The following BTBD9 variants were observed in gnomAD, a reference collection of about 807,000 sequenced individuals.
The protein encoded by BTBD9 is BTB domain containing 9.
A neutral mutation model predicts 64.3 loss-of-function variants in BTBD9; 49 were observed. That is an observed-to-expected ratio of 0.76 (90% CI 0.61 to 0.97). The LOEUF (loss-of-function observed/expected upper bound fraction) is 0.97, where lower values mean the gene tolerates loss of function less well. BTBD9 is among the 50% of genes least tolerant of loss of function. The pLI is 0.00. For synonymous variants in BTBD9, 260 were observed against 274.7 expected (o/e 0.95, Z 0.53); for missense variants, 598 against 762.1 (o/e 0.78, Z 2.53).
At chr6:38,339,727 G>T (rs1031592518) in intron 7 of BTBD9, among the ~76,000 whole-genome samples, 3 of 152,136 alleles carry the variant, frequency 2.0e-5, no homozygotes, top group Non-Finnish European at 2.9e-5. Context: ...TAGCTCTTTT[G>T]CAGGTTTGAT....
At chr6:38,213,023 T>G (rs1207068863) in intron 9 of BTBD9, among the ~76,000 whole-genome samples, 1 of 107,400 alleles carries the variant, frequency 9.3e-6, no homozygotes, top group Admixed American at 8.9e-5. Flanking sequence ...ATTTCAGGTG[T>G]TTTTTTTTTT....
intron 7 of BTBD9, among the ~76,000 whole-genome samples, chr6:38,300,697 G>C (rs915622090): frequency 6.6e-6 from 1 of 152,140 alleles, no homozygotes; most frequent in Non-Finnish European, 1.5e-5. Flanking sequence ...TGTGATTTTT[G>C]CACATTGATT....
At chr6:38,639,389 A>C (rs11751782) in intron 1 of BTBD9, among the ~76,000 whole-genome samples, 12,961 of 152,162 alleles carry the variant, frequency 0.085, 687 homozygotes, top group Middle Eastern at 0.18. Context: ...GGCAGGGGAG[A>C]TGAGGGCCCC....
intron 7 of BTBD9, among the ~76,000 whole-genome samples, chr6:38,304,031 T>C (rs1047819473): frequency 6.6e-6 from 1 of 150,908 alleles, no homozygotes; most frequent in African/African-American, 2.4e-5. Context: ...TTAATGTTTA[T>C]TAGTCAAAGT....
chr6:38,182,917 C>CT (rs35737243), intron 10 of BTBD9, among the ~76,000 whole-genome samples: 77,943 of 151,486 alleles, frequency 0.51, 21,510 homozygotes, highest in Non-Finnish European at 0.63. Context: ...CTTTTCCTCT[C>CT]TTTTTTTCCA....
At chr6:38,624,765 G>A (rs905824845) in intron 1 of BTBD9, among the ~76,000 whole-genome samples, 5 of 151,618 alleles carry the variant, frequency 3.3e-5, no homozygotes, top group African/African-American at 1.2e-4. Flanking sequence ...TACATTAGAA[G>A]ACAAAGATAC....
intron 6 of BTBD9, among the ~76,000 whole-genome samples, chr6:38,554,436 T>C (rs1304665649): frequency 1.3e-5 from 2 of 152,230 alleles, no homozygotes; most frequent in Non-Finnish European, 2.9e-5. Flanking sequence ...CGTGTTGCTA[T>C]TTAAATTGTA....
chr6:38,479,721 TTTTTTA>T (rs1193985884), intron 6 of BTBD9, among the ~76,000 whole-genome samples: 6 of 152,138 alleles, frequency 3.9e-5, no homozygotes, highest in Admixed American at 3.9e-4. Context: ...ACTAAAATCT[TTTTTTA>T]TTTTTATTTT....
chr6:38,538,370 C>T (rs1241226015), intron 6 of BTBD9, among the ~76,000 whole-genome samples: 2 of 152,046 alleles, frequency 1.3e-5, no homozygotes, highest in Non-Finnish European at 1.5e-5. Context: ...TAATAAAAGG[C>T]AAATGGGAGT....
intron 6 of BTBD9, among the ~76,000 whole-genome samples, chr6:38,405,476 AG>A (rs2127247171): frequency 6.6e-6 from 1 of 152,334 alleles, no homozygotes; most frequent in South Asian, 2.1e-4. Flanking sequence ...AAAAACTTAT[AG>A]GAAGTTGGAA....
intron 6 of BTBD9, among the ~76,000 whole-genome samples, chr6:38,355,047 G>A (rs965497597): frequency 6.6e-6 from 1 of 152,124 alleles, no homozygotes; most frequent in Non-Finnish European, 1.5e-5. Flanking sequence ...TTTCACTGTG[G>A]AAGCCTATAC....
chr6:38,625,813 C>T (rs1411003433), intron 1 of BTBD9, among the ~76,000 whole-genome samples: 3 of 152,126 alleles, frequency 2.0e-5, no homozygotes, highest in Non-Finnish European at 2.9e-5. Context: ...AGAAAATGGT[C>T]GCTGCCCCTA....
intron 6 of BTBD9, among the ~76,000 whole-genome samples, chr6:38,369,205 A>G (rs1765315378): frequency 6.6e-6 from 1 of 152,128 alleles, no homozygotes; most frequent in South Asian, 2.1e-4. Context: ...CACTCAAATG[A>G]TACCTCTGCC....
At chr6:38,474,298 G>T (rs1328231807) in intron 6 of BTBD9, among the ~76,000 whole-genome samples, 1 of 152,086 alleles carries the variant, frequency 6.6e-6, no homozygotes, top group Admixed American at 6.6e-5. Context: ...TGACGTGGGC[G>T]GATCAACCGA....
At chr6:38,596,274 G>A (rs550859764) in intron 2 of BTBD9, among the ~76,000 whole-genome samples, 4 of 152,228 alleles carry the variant, frequency 2.6e-5, no homozygotes, top group South Asian at 2.1e-4. Flanking sequence ...CAAATATTAC[G>A]AAGGTTCAAT....
intron 9 of BTBD9, among the ~76,000 whole-genome samples, chr6:38,194,834 T>C (rs1474598189): frequency 2.7e-5 from 4 of 149,902 alleles, no homozygotes; most frequent in Admixed American, 6.6e-5. Context: ...CCCACTGCCC[T>C]TGCTTCTGCA....
intron 6 of BTBD9, chr6:38,504,660 C>G (rs1227158597): frequency 4.4e-6 from 2 of 451,604 alleles, no homozygotes; most frequent in Non-Finnish European, 8.9e-6. Context: ...ACCCAGGAAG[C>G]CCATTCCTAG....
intron 9 of BTBD9, among the ~76,000 whole-genome samples, chr6:38,248,498 G>A (rs1764284851): frequency 6.6e-6 from 1 of 152,230 alleles, no homozygotes; most frequent in South Asian, 2.1e-4. Context: ...CCATGACAAA[G>A]CAAAGAAATT....
intron 1 of BTBD9, among the ~76,000 whole-genome samples, chr6:38,637,473 A>C (rs1778564596): frequency 1.3e-5 from 2 of 152,228 alleles, no homozygotes; most frequent in South Asian, 4.1e-4. Context: ...AGGGTCTTTA[A>C]TTATTCTGAA....
Sources: gnomAD v4.1 joint callset for allele counts (sites outside exome capture counted in the v4.1 genomes callset) on GRCh38, gnomAD v4.1.1 for gene constraint, MANE v1.5 for transcripts, NCBI Gene and HGNC (gene_info 2026-07-23, HGNC 2026-07-21) for gene names.